The following PRDM13 variants were observed in gnomAD, a reference collection of about 807,000 sequenced individuals.
The protein encoded by PRDM13 is PR/SET domain 13.
In PRDM13, 15 loss-of-function variants were observed where a neutral mutation model predicts 36.4. The ratio of observed to expected loss-of-function variants is 0.41; its 90% CI spans 0.28 to 0.64. The LOEUF is 0.64. Ranked by LOEUF, PRDM13 falls within the 30% of genes least tolerant of loss-of-function variation. The probability of loss-of-function intolerance (pLI) is 0.29; values close to 1 mark genes in which losing one functional copy is unlikely to be tolerated. For missense variants in PRDM13, 1,044 were observed against 1,013.5 expected (o/e 1.03, Z -0.41); for synonymous variants, 531 against 467.7 (o/e 1.14, Z -1.75).
Position 99,614,331 on chromosome 6 carries a change from G to C in PRDM13, c.1696G>C (p.Ala566Pro). Residue 566 changes from alanine (A) to proline (P), a missense_variant, in exon 4 of 4, where the codon GCA becomes CCA. Physicochemically the swap from Ala to Pro is conservative, Grantham distance 27 (BLOSUM62 -1). This residue lies in a region of PRDM13 where 921 missense variants were observed against 865.2 expected (regional missense o/e 1.06). Transcript: ENST00000369215. ...TGGGGSGGSG[A>P]GKPKTGHLCL... The stretch of plus-strand genomic sequence containing the variant: ...GGGCGGCGGCAGCGGAGGCAGCGGC[G>C]CAGGTAAGCCCAAGACCGGCCACCT... 1 of 1,608,470 alleles carries C rather than the reference G, an allele frequency of 6.2e-7. No individual in the cohort carries two copies.
rs1770073550 is a variant in PRDM13, at chr6:99,613,688, TCACCACCATCACCACCACGCG to T, written c.1062_1082del (p.His357_His363del). ...AGAACTCGGCGGCGGGCGGCGCGGG[TCACCACCATCACCACCACGCG>T]CACCACCACCACCATCCCAAGTGCC... is the stretch of plus-strand genomic sequence containing the variant. On this transcript the variant is annotated inframe_deletion, in exon 4 of 4. Transcript: ENST00000369215. This position sits in a 1 kb window ranked among gnomAD's most constrained non-coding sequence, Gnocchi z 6.1. The T allele has an allele frequency of 7.0e-7, 1 of 1,421,640 alleles. No homozygotes were observed. The allele number at this position is 1,421,640 out of a possible 1,614,324, so 88.1% of individuals were successfully genotyped here.
At chr6:99,610,858 T>C (rs563283870) in intron 3 of PRDM13, among the ~76,000 whole-genome samples, 15 of 152,332 alleles carry the variant, frequency 9.8e-5, no homozygotes, top group African/African-American at 3.4e-4. Flanking sequence ...GCAACTGGAA[T>C]AGCGGTCCTT....
rs765425047 is a variant in PRDM13, at chr6:99,613,199, C to T, written c.564C>T (p.Leu188=). The change falls in exon 4 of 4, where the codon CTC becomes CTT. Residue 188 remains leucine (L), a synonymous_variant. Transcript: ENST00000369215. This position sits in a 1 kb window ranked among gnomAD's most constrained non-coding sequence, Gnocchi z 6.1. ...RQGAVPAADG[L]GLSPKPPAPD... is the part of the protein sequence containing the mutation. ...GCGCCGTCCCAGCGGCTGATGGCCT[C>T]GGTCTCTCCCCAAAACCCCCGGCGC... The T allele has an allele frequency of 1.6e-5, 26 of 1,612,412 alleles. No individual in the cohort carries two copies. Among genetic ancestry groups the T allele is most frequent in the Non-Finnish European group, 2.1e-5 (25 of 1,179,792 alleles).
chr6:99,612,166 T>C (rs1391368547), intron 3 of PRDM13, among the ~76,000 whole-genome samples: 2 of 152,182 alleles, frequency 1.3e-5, no homozygotes, highest in Admixed American at 6.5e-5. Context: ...ATTCATATAA[T>C]AAAAAACTAA....
chr6:99,607,010 C>T lies in PRDM13; in HGVS notation c.-25C>T. 1 of 1,596,482 alleles carries T rather than the reference C, an allele frequency of 6.3e-7. No individual in the cohort carries two copies. Among genetic ancestry groups the T allele is most frequent in the Non-Finnish European group, 8.5e-7 (1 of 1,171,278 alleles). On this transcript the variant is annotated 5_prime_UTR_variant, in exon 1 of 4. Coordinates refer to ENST00000369215, the MANE Select transcript of PRDM13 (RefSeq NM_021620.4). The stretch of plus-strand genomic sequence containing the variant: ...CTTCCAAGGACCTGGAGCACCCGAG[C>T]GCCTGCCTGGTGGCGGCGGCAACAA...
rs749307538 is a variant in PRDM13 at position 99,614,653 on chromosome 6, C to T, written c.2018C>T (p.Pro673Leu). ...GGCCCGGGTGCCGAGCCCGGCTATCCCCCGGAGCCTGGGGATCCCAAGAGC... is the reference window on the plus strand; with the variant it reads ...GGCCCGGGTGCCGAGCCCGGCTATCTCCCGGAGCCTGGGGATCCCAAGAGC... ...GDGPGAEPGY[P>L]PEPGDPKSDD... Residue 673 changes from proline (P) to leucine (L), a missense_variant, in exon 4 of 4, where the codon CCC becomes CTC. Pro to Leu is a moderately conservative substitution (Grantham distance 98). Around this residue, in one of 3 missense-constraint regions of PRDM13, gnomAD observed 115 missense variants for 122.1 expected, o/e 0.94. Coordinates refer to ENST00000369215, the MANE Select transcript of PRDM13 (RefSeq NM_021620.4). 3.1e-6 allele frequency: 5 copies of T among 1,612,162 alleles called. No individual in the cohort carries two copies. The East Asian group carries it at 1.1e-4, about 36-fold the overall frequency.
Position 99,614,720 on chromosome 6 carries a change from C to A in PRDM13, c.2085C>A (p.Ser695Arg). 7 of 1,592,276 alleles carry A rather than the reference C, an allele frequency of 4.4e-6. No individual in the cohort carries two copies. The highest frequency in any genetic ancestry group is 2.2e-5 in the East Asian group (1 of 44,540). ...DVDVCFTDDQ[S>R]DPEVGGGGER... ...ACGTCTGCTTCACAGACGACCAGAG[C>A]GACCCCGAGGTTGGGGGCGGCGGGG... The change falls in exon 4 of 4, where the codon AGC (serine) becomes AGA (arginine). Residue 695 changes from serine to arginine, a missense_variant. Coordinates refer to ENST00000369215, the MANE Select transcript of PRDM13 (RefSeq NM_021620.4).
In PRDM13 at chr6:99,611,979, A is replaced by C. The variant is rs1388201613; in HGVS notation, c.398-1054A>C. On this transcript the variant is annotated intron_variant, in intron 3 of 3. Transcript: ENST00000369215. ...CTAGTATGTGATCAGAATGTCTCAT[A>C]TATGTGTCTCTTGATTGTGTTCACA... Among the ~76,000 whole-genome samples the C allele has an allele frequency of 2.0e-5, 3 of 152,338 alleles. No homozygotes were observed. In the East Asian group the frequency reaches 5.8e-4, roughly 29 times the overall value.
rs1404287511 is a variant in PRDM13 at position 99,613,163 on chromosome 6, G to T, written c.528G>T (p.Ala176=). ...GGGAFLHHEH[A]ARQGAVPAAD... is the part of the protein sequence containing the mutation. The stretch of plus-strand genomic sequence containing the variant: ...GCGCCTTCCTGCACCACGAACACGC[G>T]GCTCGCCAAGGCGCCGTCCCAGCGG... Residue 176 remains alanine, a synonymous_variant, in exon 4 of 4, where the codon GCG becomes GCT. Transcript: ENST00000369215. The surrounding 1 kb of genome is among the most constrained non-coding windows in gnomAD (Gnocchi z 6.1). 6.8e-6 allele frequency: 11 copies of T among 1,612,730 alleles called. No individual in the cohort carries two copies. The highest frequency in any genetic ancestry group is 1.3e-5 in the African/African-American group (1 of 74,896).
In PRDM13 at chr6:99,614,039, G is replaced by A; in HGVS notation, c.1404G>A (p.Glu468=). 6.2e-7 allele frequency: 1 copy of A among 1,610,192 alleles called. No homozygotes were observed. The highest frequency in any genetic ancestry group is 8.5e-7 in the Non-Finnish European group (1 of 1,179,062). ...VMPAFTVYNG[E]LLYGSPATTA... ...CGGCCTTTACAGTCTACAACGGGGA[G>A]CTGCTCTACGGCTCACCGGCCACCA... The change falls in exon 4 of 4, where the codon GAG becomes GAA. Residue 468 remains glutamate, a synonymous_variant. Transcript: ENST00000369215.
At chr6:99,608,107 C>T (rs573673358) in intron 1 of PRDM13, among the ~76,000 whole-genome samples, 3 of 152,302 alleles carry the variant, frequency 2.0e-5, no homozygotes, top group South Asian at 4.1e-4. Flanking sequence ...GGGACTTGCA[C>T]CTCGCTCCTC....
In PRDM13 at chr6:99,614,384, G is replaced by A. The variant is rs1176993300; in HGVS notation, c.1749G>A (p.Ser583=). 6 of 1,613,222 alleles carry A rather than the reference G, an allele frequency of 3.7e-6. No homozygotes were observed. In the African/African-American group the frequency reaches 6.7e-5, roughly 18 times the overall value. Residue 583 remains serine (S), a synonymous_variant, in exon 4 of 4, where the codon TCG becomes TCA. Transcript: ENST00000369215. Reference sequence around the variant, plus strand: ...GCCTCTACTGTGGCAAGCTGTACTCGCGCAAGTATGGGCTCAAGATCCACA... The same window carrying A: ...GCCTCTACTGTGGCAAGCTGTACTCACGCAAGTATGGGCTCAAGATCCACA... ...HLCLYCGKLY[S]RKYGLKIHMR... is the part of the protein sequence containing the mutation.
Sources: gnomAD v4.1 joint callset for allele counts (sites outside exome capture counted in the v4.1 genomes callset) on GRCh38, gnomAD v4.1.1 for gene constraint, gnomAD v4.1.1 regional missense constraint, Gnocchi (gnomAD v3.1) non-coding constraint, MANE v1.5 for transcripts, NCBI Gene and HGNC (gene_info 2026-07-23, HGNC 2026-07-21) for gene names.